Variants in SPTBN4 observed in about 807,000 individuals in gnomAD.
SPTBN4 encodes spectrin beta, non-erythrocytic 4.
In SPTBN4, 96 loss-of-function variants were observed where a neutral mutation model predicts 277.8. The observed-to-expected ratio is 0.35, with a 90% CI of 0.29 to 0.41. SPTBN4 has a LOEUF of 0.41. Among genes scored for constraint, SPTBN4 ranks in the 10% least tolerant of loss-of-function variants. The pLI, the probability that SPTBN4 is intolerant of heterozygous loss-of-function variation, is 1.00. For synonymous variants in SPTBN4, 1,481 were observed against 1,580.3 expected, an observed-to-expected ratio of 0.94 and a Z score of 1.49; for missense variants, 3,006 against 3,595.7, an observed-to-expected ratio of 0.84 and a Z score of 4.19.
rs902783665 is a variant in SPTBN4 at position 40,519,713 on chromosome 19, G to C, written c.3216G>C (p.Ala1072=). Reference sequence around the variant, plus strand: ...AGGAGCTGGGCGCCGAGTGGGGCGCGCTAGCTAGCGCGGCTCAGGCCTGCG... The same window carrying C: ...AGGAGCTGGGCGCCGAGTGGGGCGCCCTAGCTAGCGCGGCTCAGGCCTGCG... ...GAEELGAEWG[A]LASAAQACGE... is the part of the protein sequence containing the mutation. Residue 1072 remains alanine (A), a synonymous_variant, in exon 16 of 36, where the codon GCG becomes GCC. Transcript: ENST00000598249. This position sits in a 1 kb window ranked among gnomAD's most constrained non-coding sequence, Gnocchi z 5.7. 3.6e-6 allele frequency: 5 copies of C among 1,389,996 alleles called. No homozygotes were observed. Among genetic ancestry groups the C allele is most frequent in the Non-Finnish European group, 4.6e-6 (5 of 1,083,666 alleles). 86.1% of individuals were successfully genotyped at this position (1,389,996 alleles called of 1,614,324 possible). A position where few individuals can be genotyped will look rare whatever the true frequency, so the allele number is the denominator to read the frequency against.
intron 21 of SPTBN4, among the ~76,000 whole-genome samples, chr19:40,549,731 A>G (rs1054378218): frequency 1.3e-5 from 2 of 152,058 alleles, no homozygotes; most frequent in Non-Finnish European, 2.9e-5. Flanking sequence ...TGATTTGCTC[A>G]TTCATTTGTT....
Position 40,503,804 on chromosome 19 carries a change from GGTGA to G in SPTBN4, c.1363-22_1363-19del, listed in dbSNP as rs778151580. 24 of 1,558,672 alleles carry G rather than the reference GGTGA, an allele frequency of 1.5e-5. No homozygotes were observed. In the East Asian group the frequency reaches 3.2e-4, roughly 21 times the overall value. On this transcript the variant is annotated intron_variant, in intron 11 of 35. Coordinates refer to ENST00000598249, the MANE Select transcript of SPTBN4 (RefSeq NM_020971.3). ...ACAGGTGGACTGCTGAGGCAGCATGGGTGAGTGTCTGGCTCACTGCCCCAGGACA... is the reference window on the plus strand; with the variant it reads ...ACAGGTGGACTGCTGAGGCAGCATGGGTGTCTGGCTCACTGCCCCAGGACA...
chr19:40,470,672 G>A (rs957467909), intron 1 of SPTBN4, among the ~76,000 whole-genome samples: 3 of 150,348 alleles, frequency 2.0e-5, no homozygotes, highest in African/African-American at 4.9e-5. Context: ...TTACTCTGTC[G>A]CCCAGGATAG....
At chr19:40,551,146 A>T (rs565595854) in intron 22 of SPTBN4, among the ~76,000 whole-genome samples, 1 of 152,304 alleles carries the variant, frequency 6.6e-6, no homozygotes, top group South Asian at 2.1e-4. Context: ...GGGTTTCCCA[A>T]AGGAAAATCA....
chr19:40,504,472 G>T (rs905587234), intron 12 of SPTBN4, among the ~76,000 whole-genome samples: 4 of 152,126 alleles, frequency 2.6e-5, no homozygotes, highest in East Asian at 1.9e-4. Flanking sequence ...TTTCAGACCA[G>T]CCTGGCCAAC....
chr19:40,554,227 CAGCCCGGAGGCAG>C lies in SPTBN4; in HGVS notation c.4758_4770del (p.Ser1586ArgfsTer55). On this transcript the variant is annotated frameshift_variant, in exon 23 of 36. Coordinates refer to ENST00000598249, the MANE Select transcript of SPTBN4 (RefSeq NM_020971.3). LOFTEE classifies it high-confidence loss of function. This position sits in a 1 kb window ranked among gnomAD's most constrained non-coding sequence, Gnocchi z 5.7. ...GCGCGGGCGCGCTGGCGTCGCTGCGCAGCCCGGAGGCAGAGGCAGTGCGCCGGGGCCTGGAGCA... is the reference window on the plus strand; with the variant it reads ...GCGCGGGCGCGCTGGCGTCGCTGCGCAGGCAGTGCGCCGGGGCCTGGAGCA... The C allele has an allele frequency of 6.6e-7, 1 of 1,509,288 alleles. No individual in the cohort carries two copies. The highest frequency in any genetic ancestry group is 8.8e-7 in the Non-Finnish European group (1 of 1,138,124). 93.5% of individuals were successfully genotyped at this position (1,509,288 alleles called of 1,614,324 possible).
chr19:40,528,518 C>T (rs1044787203), intron 17 of SPTBN4, among the ~76,000 whole-genome samples: 1 of 152,202 alleles, frequency 6.6e-6, no homozygotes, highest in African/African-American at 2.4e-5. Flanking sequence ...TTTGCCACTC[C>T]TCTGCCTGTC....
chr19:40,550,348 G>A (rs2080904646), intron 22 of SPTBN4, 21 bp downstream of exon 22: 3 of 1,601,952 alleles, frequency 1.9e-6, no homozygotes, highest in African/African-American at 1.3e-5. Context: ...CCAGGTGAGG[G>A]AGCGAGTTAG....
chr19:40,526,178 T>C (rs946858276), intron 17 of SPTBN4, among the ~76,000 whole-genome samples: 7 of 146,062 alleles, frequency 4.8e-5, no homozygotes, highest in African/African-American at 1.8e-4. Flanking sequence ...TTTTTTTTTT[T>C]TTTTTTTTTT....
At position 40,519,573 on chromosome 19, in the gene SPTBN4, G is replaced by C; in HGVS notation, c.3076G>C (p.Gly1026Arg). 6.6e-7 allele frequency: 1 copy of C among 1,508,788 alleles called. No homozygotes were observed. The highest frequency in any genetic ancestry group is 8.8e-7 in the Non-Finnish European group (1 of 1,137,032). The allele number at this position is 1,508,788 out of a possible 1,614,324, so 93.5% of individuals were successfully genotyped here. A position where few individuals can be genotyped will look rare whatever the true frequency, so the allele number is the denominator to read the frequency against. Residue 1026 changes from glycine (G) to arginine (R), a missense_variant, in exon 16 of 36, where the codon GGC (glycine) becomes CGC (arginine). By Grantham distance (125) the Gly-to-Arg change is moderately radical (BLOSUM62 -2). Transcript: ENST00000598249. The surrounding 1 kb of genome is among the most constrained non-coding windows in gnomAD (Gnocchi z 5.7). ...AGGALQWRLSGLEAALQALEP... is the reference protein window; with the variant it reads ...AGGALQWRLSRLEAALQALEP... ...CGGCGCCCTGCAGTGGCGTCTTAGCGGCCTAGAGGCCGCTCTGCAGGCGCT... is the reference window on the plus strand; with the variant it reads ...CGGCGCCCTGCAGTGGCGTCTTAGCCGCCTAGAGGCCGCTCTGCAGGCGCT...
Position 40,554,804 on chromosome 19 carries a change from G to A in SPTBN4, c.5084+158G>A. On this transcript the variant is annotated intron_variant, in intron 24 of 35. Coordinates refer to ENST00000598249, the MANE Select transcript of SPTBN4 (RefSeq NM_020971.3). The surrounding 1 kb of genome is among the most constrained non-coding windows in gnomAD (Gnocchi z 5.7). ...ATTTGGCAAGTGGGCGGGCCGGAAT[G>A]GGGGGACACGGCTCAGGGATGGTTG... The A allele has an allele frequency of 9.0e-7, 1 of 1,114,088 alleles. No individual in the cohort carries two copies. The highest frequency in any genetic ancestry group is 1.3e-6 in the Non-Finnish European group (1 of 775,808). 69.0% of individuals were successfully genotyped at this position (1,114,088 alleles called of 1,614,324 possible). A position where few individuals can be genotyped will look rare whatever the true frequency, so the allele number is the denominator to read the frequency against.
At chr19:40,569,484 C>A (rs2081128884) in intron 31 of SPTBN4, among the ~76,000 whole-genome samples, 173 bp from the exon 32 acceptor site, 1 of 151,536 alleles carries the variant, frequency 6.6e-6, no homozygotes, top group South Asian at 2.1e-4. Flanking sequence ...ATTCAGCAGA[C>A]ACGTCCCAAA....
Position 40,549,308 on chromosome 19 carries a change from G to T in SPTBN4, c.4479G>T (p.Val1493=). The part of the protein sequence containing the change: ...KELVGERQNA[V]GERLVRLLEP... ...TGGTGGGTGAGCGGCAGAACGCGGT[G>T]GGCGAGCGCCTGGTGCGCCTGCTCG... Residue 1493 remains valine (V), a synonymous_variant, in exon 21 of 36, where the codon GTG becomes GTT. Coordinates refer to ENST00000598249, the MANE Select transcript of SPTBN4 (RefSeq NM_020971.3). The T allele has an allele frequency of 6.5e-7, 1 of 1,541,010 alleles. No individual in the cohort carries two copies. The highest frequency in any genetic ancestry group is 1.2e-5 in the South Asian group (1 of 83,898).
chr19:40,471,160 C>T (rs1001163104), intron 1 of SPTBN4, among the ~76,000 whole-genome samples: 4 of 151,464 alleles, frequency 2.6e-5, no homozygotes, highest in Non-Finnish European at 4.4e-5. Context: ...TTGGCCAGGC[C>T]GGTCTTGAAC....
At chr19:40,501,178 C>T (rs1334134120) in intron 7 of SPTBN4, among the ~76,000 whole-genome samples, 1 of 150,986 alleles carries the variant, frequency 6.6e-6, no homozygotes, top group African/African-American at 2.4e-5. Flanking sequence ...CTCGAGGCTG[C>T]AGTGAGCTAT....
chr19:40,505,763 G>A (rs1347355538), intron 12 of SPTBN4, among the ~76,000 whole-genome samples: 10 of 148,968 alleles, frequency 6.7e-5, no homozygotes, highest in African/African-American at 2.2e-4. Flanking sequence ...AGAAAGAAAG[G>A]TGAACAGGAG....
intron 21 of SPTBN4, among the ~76,000 whole-genome samples, chr19:40,549,897 T>A (rs531996113): frequency 6.6e-6 from 1 of 152,268 alleles, no homozygotes; most frequent in Admixed American, 6.5e-5. Context: ...TGGTTAGGAA[T>A]ATGATAGGAA....
At chr19:40,468,100 G>A (rs897983792) in intron 1 of SPTBN4, among the ~76,000 whole-genome samples, 4 of 146,694 alleles carry the variant, frequency 2.7e-5, no homozygotes, top group Admixed American at 6.8e-5. Context: ...TTTTTGAGAC[G>A]GAGTTTCACT....
chr19:40,548,910 A>G (rs560574037), intron 20 of SPTBN4, among the ~76,000 whole-genome samples: 59 of 152,334 alleles, frequency 3.9e-4, no homozygotes, highest in Admixed American at 1.1e-3. Context: ...GGGGTCAGGT[A>G]AGCCTCTTTG....
Sources: gnomAD v4.1 joint callset for allele counts (sites outside exome capture counted in the v4.1 genomes callset) on GRCh38, gnomAD v4.1.1 for gene constraint, Gnocchi (gnomAD v3.1) non-coding constraint, MANE v1.5 for transcripts, NCBI Gene and HGNC (gene_info 2026-07-23, HGNC 2026-07-21) for gene names.